Variants in DPYS observed in about 807,000 individuals in gnomAD.
DPYS encodes dihydropyrimidinase, also known as dihydropyrimidine amidohydrolase.
In DPYS, 39 loss-of-function variants were observed where a neutral mutation model predicts 50.3. That is an observed-to-expected ratio of 0.78 (90% confidence interval 0.60 to 1.01). The LOEUF (loss-of-function observed/expected upper bound fraction) is 1.01. Ranked by LOEUF, DPYS falls within the 50% of genes least tolerant of loss-of-function variation. The pLI is 0.00. For missense variants in DPYS, 659 were observed against 680.9 expected, an observed-to-expected ratio of 0.97 and a Z score of 0.36; for synonymous variants, 245 against 250.7, an observed-to-expected ratio of 0.98 and a Z score of 0.22.
At position 104,424,263 on chromosome 8, in the gene DPYS, C is replaced by A; in HGVS notation, c.1219G>T (p.Asp407Tyr). ...VGSDADIVIW[D>Y]PKGTRTISAK... ...TAGACTTACCTTGTGCCTTTTGGGT[C>A]CCAAATAACAATGTCAGCATCTGAT... Residue 407 changes from aspartate (D) to tyrosine (Y), a missense_variant, in exon 7 of 10, where the codon GAC (aspartate) becomes TAC (tyrosine). Physicochemically the swap from Asp to Tyr is radical, Grantham distance 160. Transcript: ENST00000351513. 1.2e-6 allele frequency: 2 copies of A among 1,614,084 alleles called. No individual in the cohort carries two copies. The highest frequency in any genetic ancestry group is 1.7e-6 in the Non-Finnish European group (2 of 1,180,006).
At chr8:104,428,739 G>T (rs1812826686) in intron 5 of DPYS, among the ~76,000 whole-genome samples, 1 of 152,212 alleles carries the variant, frequency 6.6e-6, no homozygotes, top group Non-Finnish European at 1.5e-5. Context: ...GTGAACTCTT[G>T]TACGGTCTGT....
chr8:104,425,245 C>T (rs769367729), intron 6 of DPYS, among the ~76,000 whole-genome samples: 15 of 148,916 alleles, frequency 1.0e-4, no homozygotes, highest in Non-Finnish European at 1.6e-4. Context: ...TTTTTTGTTT[C>T]GAGATATGGT....
chr8:104,423,163 T>G (rs1265907788), intron 7 of DPYS, among the ~76,000 whole-genome samples: 1 of 152,218 alleles, frequency 6.6e-6, no homozygotes, highest in Non-Finnish European at 1.5e-5. Flanking sequence ...TACCACCCTT[T>G]ATGGCATTGC....
Position 104,447,828 on chromosome 8 carries a change from T to C in DPYS, c.424-325A>G, listed in dbSNP as rs74809204. Among the ~76,000 whole-genome samples, 12 of 152,332 alleles carry C rather than the reference T, an allele frequency of 7.9e-5. No individual in the cohort carries two copies. The East Asian group carries it at 1.9e-3, about 24-fold the overall frequency. On this transcript the variant is annotated intron_variant, in intron 2 of 9. Coordinates refer to ENST00000351513, the MANE Select transcript of DPYS (RefSeq NM_001385.3). ...GAGGAAATTATTCTAAAAAATGACC[T>C]TGAAGCCATGTTGGCAGCAACAGAA...
At chr8:104,432,413 G>A (rs189356534) in intron 4 of DPYS, among the ~76,000 whole-genome samples, 2 of 152,294 alleles carry the variant, frequency 1.3e-5, no homozygotes, top group East Asian at 1.9e-4. Context: ...TGCAAGCAAC[G>A]CTAAATATTG....
intron 1 of DPYS, among the ~76,000 whole-genome samples, chr8:104,463,352 T>G (rs1349294486): frequency 1.3e-5 from 2 of 152,252 alleles, no homozygotes; most frequent in Non-Finnish European, 2.9e-5. Flanking sequence ...GAAGAGTTAC[T>G]GTCTTTTCTA....
At chr8:104,418,656 C>G (rs1812449328) in intron 7 of DPYS, 1 of 152,358 alleles carries the variant, frequency 6.6e-6, no homozygotes, top group African/African-American at 2.4e-5. Flanking sequence ...CCTGTCAATG[C>G]CTTGGTTTAT....
chr8:104,434,268 A>C (rs941815826), intron 4 of DPYS, among the ~76,000 whole-genome samples: 1 of 152,228 alleles, frequency 6.6e-6, no homozygotes, highest in African/African-American at 2.4e-5. Context: ...TATCATGCAG[A>C]TGAAGCCTCC....
chr8:104,458,693 A>G (rs1814015970), intron 1 of DPYS, among the ~76,000 whole-genome samples: 3 of 152,202 alleles, frequency 2.0e-5, no homozygotes, highest in Admixed American at 2.0e-4. Flanking sequence ...TTCCAATAGC[A>G]AACTGGGAAA....
In DPYS at chr8:104,429,689, T is replaced by C. The variant is rs1423082168; in HGVS notation, c.806A>G (p.Tyr269Cys). ...AAGACTGGCTGCTATGGGTTCACCA[T>C]AGACCACCTTCCCTGGAAAGATTAA... ...ADARRDGKVVYGEPIAASLGT... is the reference protein window; with the variant it reads ...ADARRDGKVVCGEPIAASLGT... The change falls in exon 5 of 10, where the codon TAT becomes TGT. Residue 269 changes from tyrosine to cysteine, a missense_variant. Transcript: ENST00000351513. 1.9e-6 allele frequency: 3 copies of C among 1,614,052 alleles called. No homozygotes were observed. Among genetic ancestry groups the C allele is most frequent in the South Asian group, 2.2e-5 (2 of 91,094 alleles).
At chr8:104,403,640 T>C (rs898566754) in intron 7 of DPYS, among the ~76,000 whole-genome samples, 1 of 152,174 alleles carries the variant, frequency 6.6e-6, no homozygotes, top group East Asian at 1.9e-4. Context: ...AGGAAGAAGA[T>C]GACCTATTTT....
At chr8:104,384,779 A>G (rs1811159770) in intron 8 of DPYS, among the ~76,000 whole-genome samples, 2 of 152,226 alleles carry the variant, frequency 1.3e-5, no homozygotes, top group South Asian at 4.1e-4. Context: ...CAGGACATTT[A>G]TGCAGCATAA....
At chr8:104,437,831 A>C (rs1410279607) in intron 4 of DPYS, among the ~76,000 whole-genome samples, 1 of 152,186 alleles carries the variant, frequency 6.6e-6, no homozygotes, top group African/African-American at 2.4e-5. Flanking sequence ...AGTCTCAATG[A>C]AATTTCTGGA....
At chr8:104,405,830 G>T (rs980010576) in intron 7 of DPYS, among the ~76,000 whole-genome samples, 13 of 152,228 alleles carry the variant, frequency 8.5e-5, no homozygotes, top group African/African-American at 4.8e-5. Flanking sequence ...CATGCTGGAG[G>T]GGGTGGAGGG....
intron 1 of DPYS, among the ~76,000 whole-genome samples, chr8:104,454,264 T>C (rs1198041652): frequency 6.6e-6 from 1 of 152,310 alleles, no homozygotes; most frequent in East Asian, 1.9e-4. Context: ...CGGGTGCCTA[T>C]AATCCCAGCT....
intron 7 of DPYS, chr8:104,421,607 C>T (rs1292125119): frequency 1.3e-5 from 2 of 152,242 alleles, no homozygotes; most frequent in Non-Finnish European, 2.9e-5. Flanking sequence ...GCACTCCAGC[C>T]TGGGCGACAA....
intron 7 of DPYS, chr8:104,419,474 C>T (rs1292367016): frequency 5.3e-5 from 8 of 152,174 alleles, no homozygotes; most frequent in African/African-American, 1.9e-4. Flanking sequence ...TGACTTCCTT[C>T]CAGAAAATAC....
At position 104,444,272 on chromosome 8, in the gene DPYS, C is replaced by A. The variant is rs761877908; in HGVS notation, c.769G>T (p.Val257Leu). ...CCATCTCTCCTTGCATCCGCTATCA[C>A]CTTAGCTGCAGACTTGCTCATCACA... ...VHVMSKSAAK[V>L]IADARRDGKV... is the part of the protein sequence containing the mutation. The change falls in exon 4 of 10, where the codon GTG (valine) becomes TTG (leucine). Residue 257 changes from valine to leucine, a missense_variant. Val to Leu is a conservative substitution (Grantham distance 32). Coordinates refer to ENST00000351513, the MANE Select transcript of DPYS (RefSeq NM_001385.3). 6.2e-7 allele frequency: 1 copy of A among 1,614,240 alleles called. No individual in the cohort carries two copies. Among genetic ancestry groups the A allele is most frequent in the Non-Finnish European group, 8.5e-7 (1 of 1,180,042 alleles).
At chr8:104,455,377 G>A (rs1437716961) in intron 1 of DPYS, among the ~76,000 whole-genome samples, 2 of 152,200 alleles carry the variant, frequency 1.3e-5, no homozygotes, top group Admixed American at 6.5e-5. Context: ...TAAAGTGGTG[G>A]TCCCAGAGGA....
Sources: allele counts gnomAD v4.1 joint callset (sites outside exome capture counted in the v4.1 genomes callset), GRCh38; gene constraint gnomAD v4.1.1; transcripts MANE v1.5; gene names NCBI Gene and HGNC (gene_info 2026-07-23, HGNC 2026-07-21).